SEC22A: variants seen among roughly 807,000 people sequenced by gnomAD.
The protein encoded by SEC22A is SEC22 homolog A, vesicle trafficking protein.
Under a neutral mutation model 35.3 loss-of-function variants are expected in SEC22A, and 22 were observed. The observed-to-expected ratio is 0.62, with a 90% confidence interval of 0.45 to 0.89. The LOEUF (loss-of-function observed/expected upper bound fraction) is 0.89, where lower values mean the gene tolerates loss of function less well. Ranked by LOEUF, SEC22A falls within the 40% of genes least tolerant of loss-of-function variation. The pLI is 0.00. For synonymous variants in SEC22A, 119 were observed against 129.5 expected (o/e 0.92, Z 0.55); for missense variants, 354 against 362.5 (o/e 0.98, Z 0.19).
rs947629280 is a variant in SEC22A, at chr3:123,272,369, C to A, written c.*647C>A. The A allele has an allele frequency of 6.6e-6, 1 of 152,176 alleles. No homozygotes were observed. The highest frequency in any genetic ancestry group is 2.4e-5 in the African/African-American group (1 of 41,450). 9.4% of individuals were successfully genotyped at this position (152,176 alleles called of 1,614,324 possible). On this transcript the variant is annotated 3_prime_UTR_variant, in exon 7 of 7. Coordinates refer to ENST00000492595, the MANE Select transcript of SEC22A (RefSeq NM_012430.5). Reference sequence around the variant, plus strand: ...CAGTAATGGATGTTTCCTTTCTAATCCACATTTATTGTTTCTTTTGAAATC... The same window carrying A: ...CAGTAATGGATGTTTCCTTTCTAATACACATTTATTGTTTCTTTTGAAATC...
At chr3:123,220,126 A>G (rs991284914) in intron 2 of SEC22A, among the ~76,000 whole-genome samples, 1 of 152,322 alleles carries the variant, frequency 6.6e-6, no homozygotes, top group Middle Eastern at 3.4e-3. Flanking sequence ...TACATTTAGC[A>G]CAAGTAAGAT....
At chr3:123,229,142 G>A (rs568057224) in intron 4 of SEC22A, among the ~76,000 whole-genome samples, 55 of 152,092 alleles carry the variant, frequency 3.6e-4, no homozygotes, top group South Asian at 1.2e-3. Context: ...GAAGCTCAGT[G>A]AACTCCAAAT....
intron 4 of SEC22A, among the ~76,000 whole-genome samples, chr3:123,231,202 A>G (rs775677075): frequency 1.3e-5 from 2 of 152,232 alleles, no homozygotes; most frequent in Non-Finnish European, 2.9e-5. Context: ...AGACAATTGA[A>G]CAATGGTAGT....
chr3:123,238,726 A>G (rs1008171550), intron 4 of SEC22A, among the ~76,000 whole-genome samples: 15 of 151,584 alleles, frequency 9.9e-5, no homozygotes, highest in African/African-American at 3.6e-4. Flanking sequence ...GTATTTCTTG[A>G]CTTTTTTCTC....
chr3:123,231,067 A>C (rs1937317491), intron 4 of SEC22A, among the ~76,000 whole-genome samples: 1 of 152,224 alleles, frequency 6.6e-6, no homozygotes, highest in African/African-American at 2.4e-5. Context: ...TATGAGAGGT[A>C]AAGCATGACA....
Position 123,271,847 on chromosome 3 carries a change from C to G in SEC22A, c.*125C>G, listed in dbSNP as rs1938174276. The G allele has an allele frequency of 2.5e-6, 2 of 807,528 alleles. No individual in the cohort carries two copies. Among genetic ancestry groups the G allele is most frequent in the Middle Eastern group, 3.5e-4 (1 of 2,862 alleles). The allele number at this position is 807,528 out of a possible 1,614,324, so 50.0% of individuals were successfully genotyped here. The stretch of plus-strand genomic sequence containing the variant: ...CTCTGCTTTCTTTCTCTCCAACTTT[C>G]CTTTTTTAAAATCAGCATGATGTGC... On this transcript the variant is annotated 3_prime_UTR_variant, in exon 7 of 7. Coordinates refer to ENST00000492595, the MANE Select transcript of SEC22A (RefSeq NM_012430.5).
chr3:123,268,000 G>A (rs2075156392), intron 6 of SEC22A, among the ~76,000 whole-genome samples: 1 of 152,166 alleles, frequency 6.6e-6, no homozygotes, highest in African/African-American at 2.4e-5. Context: ...AGTCCCACGT[G>A]TTCTCCACTG....
intron 4 of SEC22A, 83 bp downstream of exon 4, chr3:123,225,380 C>A: frequency 1.2e-6 from 1 of 809,656 alleles, no homozygotes; most frequent in Non-Finnish European, 1.9e-6. Context: ...TTACTTTATT[C>A]TAATATTTTA....
chr3:123,204,078 T>C (rs73856876), intron 1 of SEC22A, among the ~76,000 whole-genome samples: 2,239 of 152,326 alleles, frequency 0.015, 49 homozygotes, highest in African/African-American at 0.051. Context: ...TGTACCATAT[T>C]GGTATTGTTT....
At chr3:123,236,427 GA>G (rs1264110225) in intron 4 of SEC22A, among the ~76,000 whole-genome samples, 1 of 152,128 alleles carries the variant, frequency 6.6e-6, no homozygotes, top group African/African-American at 2.4e-5. Flanking sequence ...AGATTACTAA[GA>G]ATTAGTGGGA....
At position 123,209,534 on chromosome 3, in the gene SEC22A, CTAAA is replaced by C. The variant is rs559454499; in HGVS notation, c.182+138_182+141del. 61 of 673,144 alleles carry C rather than the reference CTAAA, an allele frequency of 9.1e-5. No individual in the cohort carries two copies. In the South Asian group the frequency reaches 1.1e-3, roughly 12 times the overall value. The allele number at this position is 673,144 out of a possible 1,614,324, so 41.7% of individuals were successfully genotyped here. ...AGCATCATATTGTTCTGAACTTATA[CTAAA>C]TAGTCATCATGTCAGCAGCAGCCTT... On this transcript the variant is annotated intron_variant, in intron 2 of 6. Coordinates refer to ENST00000492595, the MANE Select transcript of SEC22A (RefSeq NM_012430.5).
chr3:123,225,209 T>C lies in SEC22A; in HGVS notation c.453T>C (p.Tyr151=). 1.2e-6 allele frequency: 2 copies of C among 1,613,724 alleles called. No homozygotes were observed. The highest frequency in any genetic ancestry group is 1.1e-5 in the South Asian group (1 of 91,060). ...CGGAAATCAAGCTGAGGCCTCCTTA[T>C]CAAATTTCCATGTGCGAACTGGGGT... ...MQTEIKLRPP[Y]QISMCELGSA... is the part of the protein sequence containing the mutation. Residue 151 remains tyrosine, a synonymous_variant, in exon 4 of 7, where the codon TAT becomes TAC. Coordinates refer to ENST00000492595, the MANE Select transcript of SEC22A (RefSeq NM_012430.5).
chr3:123,202,274 G>T (rs1226544569), intron 1 of SEC22A: 1 of 152,604 alleles, frequency 6.6e-6, no homozygotes. Context: ...CTCGGGTGTT[G>T]GGCAGCCAGG....
intron 4 of SEC22A, among the ~76,000 whole-genome samples, chr3:123,234,115 A>T (rs1221011062): frequency 6.6e-6 from 1 of 152,226 alleles, no homozygotes; most frequent in African/African-American, 2.4e-5. Context: ...TTAAAACATA[A>T]TTGAAAGAAA....
Position 123,273,716 on chromosome 3 carries a change from G to A in SEC22A, c.*1994G>A, listed in dbSNP as rs1352720406. 6.6e-6 allele frequency: 1 copy of A among 152,366 alleles called. No homozygotes were observed. Among genetic ancestry groups the A allele is most frequent in the African/African-American group, 2.4e-5 (1 of 41,458 alleles). 9.4% of individuals were successfully genotyped at this position (152,366 alleles called of 1,614,324 possible). A position where few individuals can be genotyped will look rare whatever the true frequency, so the allele number is the denominator to read the frequency against. On this transcript the variant is annotated 3_prime_UTR_variant, in exon 7 of 7. Transcript: ENST00000492595. ...CCAGCTACTCGGGAGGCTGAGGCAG[G>A]AGAATCGCTTGAACCCAGGAGGTGG...
At position 123,209,287 on chromosome 3, in the gene SEC22A, T is replaced by C; in HGVS notation, c.70T>C (p.Tyr24His). Residue 24 changes from tyrosine (Y) to histidine (H), a missense_variant, in exon 2 of 7, where the codon TAT becomes CAT. Physicochemically the swap from Tyr to His is moderately conservative, Grantham distance 83. Coordinates refer to ENST00000492595, the MANE Select transcript of SEC22A (RefSeq NM_012430.5). ...DGLPLSASTD[Y>H]EQSTGMQECR... ...ACTGCCACTTTCTGCTTCTACTGATTATGAACAAAGCACAGGAATGCAGGA... is the reference window on the plus strand; with the variant it reads ...ACTGCCACTTTCTGCTTCTACTGATCATGAACAAAGCACAGGAATGCAGGA... 2 of 1,614,112 alleles carry C rather than the reference T, an allele frequency of 1.2e-6. No individual in the cohort carries two copies. The highest frequency in any genetic ancestry group is 1.7e-6 in the Non-Finnish European group (2 of 1,179,992).
intron 4 of SEC22A, among the ~76,000 whole-genome samples, chr3:123,232,246 A>G (rs1218081737): frequency 2.0e-5 from 3 of 152,212 alleles, no homozygotes; most frequent in African/African-American, 7.2e-5. Flanking sequence ...TCTAAAAGAA[A>G]AAAGAAATGA....
intron 5 of SEC22A, among the ~76,000 whole-genome samples, chr3:123,251,932 A>G (rs1937618887): frequency 6.6e-6 from 1 of 152,226 alleles, no homozygotes; most frequent in Non-Finnish European, 1.5e-5. Flanking sequence ...GTCCTAAAAG[A>G]TGGAATGGAT....
At chr3:123,254,782 G>A (rs1937683428) in intron 5 of SEC22A, among the ~76,000 whole-genome samples, 1 of 151,606 alleles carries the variant, frequency 6.6e-6, no homozygotes, top group Non-Finnish European at 1.5e-5. Context: ...TGTGCACAAC[G>A]TGCAGGTTTG....
Sources: allele counts gnomAD v4.1 joint callset (sites outside exome capture counted in the v4.1 genomes callset), GRCh38; gene constraint gnomAD v4.1.1; transcripts MANE v1.5; gene names NCBI Gene and HGNC (gene_info 2026-07-23, HGNC 2026-07-21).